The following SFSWAP variants were observed in gnomAD, a reference collection of about 807,000 sequenced individuals.
SFSWAP encodes splicing factor, suppressor of white-apricot homolog.
SFSWAP carries 17 observed loss-of-function variants against 100.7 expected under a neutral mutation model. The ratio of observed to expected loss-of-function variants is 0.17; its 90% CI spans 0.12 to 0.25. SFSWAP has a LOEUF of 0.25. Among genes scored for constraint, SFSWAP ranks in the 10% least tolerant of loss-of-function variants. SFSWAP has a pLI of 1.00. For synonymous variants in SFSWAP, 504 were observed against 510.1 expected, an observed-to-expected ratio of 0.99 and a Z score of 0.16; for missense variants, 1,005 against 1,262.6, an observed-to-expected ratio of 0.80 and a Z score of 3.09.
chr12:131,788,572 C>A (rs915566560), intron 15 of SFSWAP, among the ~76,000 whole-genome samples: 10 of 151,444 alleles, frequency 6.6e-5, no homozygotes, highest in African/African-American at 2.4e-4. Context: ...GTTTCCCAGG[C>A]TGGAGTGCAG....
At chr12:131,774,770 C>T (rs563054518) in intron 13 of SFSWAP, among the ~76,000 whole-genome samples, 2 of 152,128 alleles carry the variant, frequency 1.3e-5, no homozygotes, top group Non-Finnish European at 2.9e-5. Flanking sequence ...GAAGGATGAT[C>T]GTGTTGTTGG....
At chr12:131,777,488 G>A (rs1358542274) in intron 13 of SFSWAP, among the ~76,000 whole-genome samples, 5 of 152,146 alleles carry the variant, frequency 3.3e-5, no homozygotes, top group Admixed American at 3.3e-4. Context: ...ATTTTTTATG[G>A]CTGCATAGTA....
At chr12:131,769,323 G>A (rs1883384489) in intron 13 of SFSWAP, among the ~76,000 whole-genome samples, 1 of 152,202 alleles carries the variant, frequency 6.6e-6, no homozygotes. Context: ...ATTTAAGAAA[G>A]TAAGGGACCT....
Position 131,734,837 on chromosome 12 carries a change from G to A in SFSWAP, c.1081+6409G>A, listed in dbSNP as rs1251767311. 1.3e-5 allele frequency among the ~76,000 whole-genome samples: 2 copies of A among 150,850 alleles called. No homozygotes were observed. The highest frequency in any genetic ancestry group is 2.9e-5 in the Non-Finnish European group (2 of 67,804). The stretch of plus-strand genomic sequence containing the variant: ...TACGCTCGTGTATGCTGAGGAGCAG[G>A]CATTGGAACATGACGGAGCTGCTGC... On this transcript the variant is annotated intron_variant, in intron 7 of 17. Transcript: ENST00000261674. This position sits in a 1 kb window ranked among gnomAD's most constrained non-coding sequence, Gnocchi z 4.9.
At chr12:131,776,348 G>A (rs796695984) in intron 13 of SFSWAP, among the ~76,000 whole-genome samples, 2 of 152,210 alleles carry the variant, frequency 1.3e-5, no homozygotes, top group African/African-American at 4.8e-5. Flanking sequence ...ACCAGGGAGG[G>A]GCATTAGAGA....
Position 131,714,646 on chromosome 12 carries a change from T to G in SFSWAP, c.389-176T>G. 1.6e-6 allele frequency: 1 copy of G among 620,274 alleles called. No homozygotes were observed. The highest frequency in any genetic ancestry group is 2.8e-6 in the Non-Finnish European group (1 of 362,934). The allele number at this position is 620,274 out of a possible 1,614,324, so 38.4% of individuals were successfully genotyped here. On this transcript the variant is annotated intron_variant, in intron 2 of 17. Transcript: ENST00000261674. This position sits in a 1 kb window ranked among gnomAD's most constrained non-coding sequence, Gnocchi z 6.0. ...CAGCTGTCTGTGGGTAAACATGTAC[T>G]GACAAAAGTACATAATGATAGATAT...
Position 131,766,170 on chromosome 12 carries a change from C to G in SFSWAP, c.2004C>G (p.Ala668=), listed in dbSNP as rs765204578. Residue 668 remains alanine (A), a synonymous_variant, in exon 13 of 18, where the codon GCC becomes GCG. Coordinates refer to ENST00000261674, the MANE Select transcript of SFSWAP (RefSeq NM_004592.4). ...RLAAAAREKL[A]QASKESKEKQ... ...CAGCTGCTGCCCGGGAAAAGCTGGC[C>G]CAGGCGTCTAAGGAGTCAAAAGAGA... is the stretch of plus-strand genomic sequence containing the variant. 1.2e-6 allele frequency: 2 copies of G among 1,613,870 alleles called. No homozygotes were observed. The highest frequency in any genetic ancestry group is 1.7e-6 in the Non-Finnish European group (2 of 1,179,888).
chr12:131,765,312 T>C (rs1054498717), intron 12 of SFSWAP, among the ~76,000 whole-genome samples: 3 of 152,256 alleles, frequency 2.0e-5, no homozygotes, highest in African/African-American at 4.8e-5. Flanking sequence ...CTTAAATTGC[T>C]TTTCCTGTAT....
In SFSWAP at chr12:131,711,751, A is replaced by C; in HGVS notation, c.218+304A>C. ...CTGCAGTTGGCGATTCCGCGCGGTGAAAGCAGCCAGTGCCCAGGGTCTTTT... is the reference window on the plus strand; with the variant it reads ...CTGCAGTTGGCGATTCCGCGCGGTGCAAGCAGCCAGTGCCCAGGGTCTTTT... On this transcript the variant is annotated intron_variant, in intron 1 of 17. Transcript: ENST00000261674. This position sits in a 1 kb window ranked among gnomAD's most constrained non-coding sequence, Gnocchi z 4.9. The C allele has an allele frequency of 2.7e-6, 1 of 375,394 alleles. No individual in the cohort carries two copies. The highest frequency in any genetic ancestry group is 5.4e-5 in the East Asian group (1 of 18,508). 23.3% of individuals were successfully genotyped at this position (375,394 alleles called of 1,614,324 possible).
intron 7 of SFSWAP, among the ~76,000 whole-genome samples, chr12:131,735,262 T>G (rs10902439): frequency 0.16 from 25,022 of 152,242 alleles, 2,366 homozygotes; most frequent in South Asian, 0.28. Context: ...TGAAGATTTA[T>G]GCGCGCTTTC....
chr12:131,797,572 T>C (rs1388892622), intron 16 of SFSWAP, among the ~76,000 whole-genome samples: 2 of 152,240 alleles, frequency 1.3e-5, no homozygotes, highest in Non-Finnish European at 2.9e-5. Flanking sequence ...GGTCCTGTAC[T>C]GGGGAGACCC....
chr12:131,764,661 C>G lies in SFSWAP; in HGVS notation c.1926C>G (p.Thr642=). The G allele has an allele frequency of 6.2e-7, 1 of 1,613,488 alleles. No homozygotes were observed. The stretch of plus-strand genomic sequence containing the variant: ...TTGAGGAGAAGAAGCCTCAACTTAC[C>G]CAGGAGGAGCTAGAAGCAAAGCAAG... ...VVVEEKKPQL[T]QEELEAKQAK... The change falls in exon 12 of 18, where the codon ACC becomes ACG. Residue 642 remains threonine, a synonymous_variant. Transcript: ENST00000261674.
intron 4 of SFSWAP, among the ~76,000 whole-genome samples, chr12:131,722,964 C>CA (rs1370483381): frequency 6.6e-6 from 1 of 152,004 alleles, no homozygotes; most frequent in Non-Finnish European, 1.5e-5. Flanking sequence ...AATAAAAATA[C>CA]AAAAATAACT....
intron 7 of SFSWAP, among the ~76,000 whole-genome samples, chr12:131,744,624 C>T (rs1309409435): frequency 6.6e-6 from 1 of 152,232 alleles, no homozygotes; most frequent in Non-Finnish European, 1.5e-5. Flanking sequence ...TTTGAGCCCT[C>T]CAAACTGTTC....
chr12:131,760,157 A>G (rs1882531440), intron 11 of SFSWAP, among the ~76,000 whole-genome samples: 1 of 152,330 alleles, frequency 6.6e-6, no homozygotes, highest in African/African-American at 2.4e-5. Flanking sequence ...ATAATCTTGG[A>G]GCTGGAAAGA....
chr12:131,796,936 T>C (rs1212017886), intron 15 of SFSWAP: 1 of 451,870 alleles, frequency 2.2e-6, no homozygotes, highest in African/African-American at 2.0e-5. Context: ...GTAAATAAAA[T>C]GCTGGTTGCA....
chr12:131,722,169 T>G, intron 4 of SFSWAP, among the ~76,000 whole-genome samples: 1 of 152,214 alleles, frequency 6.6e-6, no homozygotes, highest in African/African-American at 2.4e-5. Context: ...AGCAGGTACT[T>G]CAGGAGGTTC....
intron 7 of SFSWAP, among the ~76,000 whole-genome samples, chr12:131,737,002 T>C (rs1450157782): frequency 6.6e-6 from 1 of 152,200 alleles, no homozygotes; most frequent in Non-Finnish European, 1.5e-5. Context: ...TCTCATTTAC[T>C]AGTATATGGG....
intron 13 of SFSWAP, among the ~76,000 whole-genome samples, chr12:131,766,724 T>C (rs991665437): frequency 6.6e-6 from 1 of 152,178 alleles, no homozygotes; most frequent in South Asian, 2.1e-4. Flanking sequence ...TCTGTATCAA[T>C]GTCAGCACTT....
Sources: gnomAD v4.1 joint callset for allele counts (sites outside exome capture counted in the v4.1 genomes callset) on GRCh38, gnomAD v4.1.1 for gene constraint, Gnocchi (gnomAD v3.1) non-coding constraint, MANE v1.5 for transcripts, NCBI Gene and HGNC (gene_info 2026-07-23, HGNC 2026-07-21) for gene names.